The following OSBPL10 variants were observed in gnomAD, a reference collection of about 807,000 sequenced individuals.
The protein encoded by OSBPL10 is oxysterol binding protein like 10, also known as oxysterol-binding protein-related protein 10.
In OSBPL10, 49 loss-of-function variants were observed where a neutral mutation model predicts 81.7. That is an observed-to-expected ratio of 0.60 (90% CI 0.48 to 0.76). The LOEUF is 0.76. Among genes scored for constraint, OSBPL10 ranks in the 30% least tolerant of loss-of-function variants. The probability of loss-of-function intolerance (pLI) is 0.00; values close to 1 mark genes in which losing one functional copy is unlikely to be tolerated. For missense variants in OSBPL10, 923 were observed against 987.8 expected (o/e 0.93, Z 0.88); for synonymous variants, 419 against 383.6 (o/e 1.09, Z -1.08).
intron 3 of OSBPL10, among the ~76,000 whole-genome samples, chr3:31,873,847 C>CT (rs1701388569): frequency 6.6e-6 from 1 of 152,110 alleles, no homozygotes; most frequent in South Asian, 2.1e-4. Context: ...GCTTAAGCAG[C>CT]CTTGAATTTG....
chr3:31,958,796 A>T (rs965780419), intron 1 of OSBPL10, among the ~76,000 whole-genome samples: 4 of 152,204 alleles, frequency 2.6e-5, no homozygotes, highest in African/African-American at 9.7e-5. Flanking sequence ...TTTAGCAAAT[A>T]AGGTTTTATT....
chr3:31,774,236 A>T (rs1159748369), intron 4 of OSBPL10, among the ~76,000 whole-genome samples: 1 of 151,922 alleles, frequency 6.6e-6, no homozygotes, highest in Non-Finnish European at 1.5e-5. Flanking sequence ...AAAAGGGAGC[A>T]GAGAAATGAC....
At chr3:32,025,059 T>G (rs2125547819) in intron 2 of OSBPL10, among the ~76,000 whole-genome samples, 1 of 152,274 alleles carries the variant, frequency 6.6e-6, no homozygotes, top group South Asian at 2.1e-4. Flanking sequence ...GAGTAGACAG[T>G]CTCACCTTGT....
chr3:31,880,106 T>C (rs932283225), intron 1 of OSBPL10, among the ~76,000 whole-genome samples: 3 of 152,180 alleles, frequency 2.0e-5, no homozygotes, highest in African/African-American at 7.2e-5. Context: ...CCAGTACCCA[T>C]GGATACCACA....
chr3:31,687,101 C>G (rs960815816), intron 7 of OSBPL10, among the ~76,000 whole-genome samples: 7 of 152,168 alleles, frequency 4.6e-5, no homozygotes, highest in African/African-American at 1.7e-4. Flanking sequence ...GCATCCCTTC[C>G]CCAAGTGACT....
At chr3:31,715,749 G>A (rs907365381) in intron 6 of OSBPL10, among the ~76,000 whole-genome samples, 3 of 152,194 alleles carry the variant, frequency 2.0e-5, no homozygotes, top group South Asian at 4.1e-4. Context: ...GGTCCATGCC[G>A]AGACTAGAAG....
intron 4 of OSBPL10, among the ~76,000 whole-genome samples, chr3:31,783,146 T>TATATATATATATATATATAC (rs1485968747): frequency 3.5e-5 from 4 of 113,004 alleles, no homozygotes; most frequent in African/African-American, 1.5e-4. Context: ...TATATATATA[T>TATATATATATATATATATAC]ACACACACAC....
Position 31,747,959 on chromosome 3 carries a change from C to A in OSBPL10, c.891G>T (p.Gln297His), listed in dbSNP as rs760307898. ...SCLGECLNLLQQSVHQAGQPS... is the reference protein window; with the variant it reads ...SCLGECLNLLHQSVHQAGQPS... Reference sequence around the variant, plus strand: ...GCTGGCCCGCCTGGTGCACACTCTGCTGTAACAAGTTGAGGCACTCCCCAA... The same window carrying A: ...GCTGGCCCGCCTGGTGCACACTCTGATGTAACAAGTTGAGGCACTCCCCAA... The change falls in exon 5 of 12, where the codon CAG (glutamine) becomes CAT (histidine). Residue 297 changes from glutamine to histidine, a missense_variant. This residue lies in a region of OSBPL10 where 514 missense variants were observed against 508.0 expected (regional missense o/e 1.01). Coordinates refer to ENST00000396556, the MANE Select transcript of OSBPL10 (RefSeq NM_017784.5). 2 of 1,614,102 alleles carry A rather than the reference C, an allele frequency of 1.2e-6. No homozygotes were observed. The highest frequency in any genetic ancestry group is 1.7e-6 in the Non-Finnish European group (2 of 1,180,034).
At chr3:31,663,762 A>C in intron 11 of OSBPL10, 1 of 1,204,972 alleles carries the variant, frequency 8.3e-7, no homozygotes, top group African/African-American at 1.5e-5. Context: ...TTTTCTTTTT[A>C]AAAATAGAAC....
chr3:31,876,847 A>C (rs148942519), intron 2 of OSBPL10, among the ~76,000 whole-genome samples: 42 of 151,928 alleles, frequency 2.8e-4, no homozygotes, highest in African/African-American at 9.7e-4. Context: ...AAGGAACCAC[A>C]TGCTTATTTT....
intron 1 of OSBPL10, among the ~76,000 whole-genome samples, chr3:31,968,032 A>G (rs7651824): frequency 0.32 from 48,226 of 152,130 alleles, 8,874 homozygotes; most frequent in African/African-American, 0.49. Context: ...GAAGTTACAC[A>G]AATAATACAA....
intron 1 of OSBPL10, among the ~76,000 whole-genome samples, chr3:31,943,438 T>TA (rs1345860786): frequency 5.3e-5 from 8 of 152,172 alleles, no homozygotes; most frequent in East Asian, 3.9e-4. Flanking sequence ...TCAATAGTTT[T>TA]AAAAAAAACT....
intron 1 of OSBPL10, among the ~76,000 whole-genome samples, chr3:31,891,079 T>G (rs1695879343): frequency 1.3e-5 from 2 of 152,054 alleles, no homozygotes; most frequent in Non-Finnish European, 2.9e-5. Context: ...TGGCTCAGCT[T>G]TTTCCCTAAA....
chr3:32,029,455 CCTT>C (rs1287802090), intron 2 of OSBPL10, among the ~76,000 whole-genome samples: 1 of 152,182 alleles, frequency 6.6e-6, no homozygotes, highest in Non-Finnish European at 1.5e-5. Context: ...CCCAGTCTCT[CCTT>C]CTGCATTATC....
At chr3:31,872,747 G>A (rs957920536) in intron 3 of OSBPL10, among the ~76,000 whole-genome samples, 6 of 150,780 alleles carry the variant, frequency 4.0e-5, no homozygotes, top group African/African-American at 1.5e-4. Context: ...TCAGTCTCCT[G>A]AGAAGCTGAG....
intron 4 of OSBPL10, among the ~76,000 whole-genome samples, chr3:31,793,500 A>G (rs1326026786): frequency 2.0e-5 from 3 of 152,250 alleles, no homozygotes; most frequent in Non-Finnish European, 4.4e-5. Flanking sequence ...GATGGCCTTC[A>G]ATGCTGTGTA....
intron 7 of OSBPL10, among the ~76,000 whole-genome samples, chr3:31,691,704 C>T (rs944117368): frequency 6.6e-6 from 1 of 151,954 alleles, no homozygotes; most frequent in Admixed American, 6.6e-5. Context: ...GTATGCCAGC[C>T]TGAGTTGTCT....
At chr3:31,837,289 G>A (rs2125544485) in intron 3 of OSBPL10, among the ~76,000 whole-genome samples, 1 of 120,164 alleles carries the variant, frequency 8.3e-6, no homozygotes, top group South Asian at 2.9e-4. Flanking sequence ...GGGCAACTGT[G>A]TGCTATATTC....
At chr3:31,766,722 G>A (rs1698212465) in intron 4 of OSBPL10, among the ~76,000 whole-genome samples, 1 of 152,082 alleles carries the variant, frequency 6.6e-6, no homozygotes, top group African/African-American at 2.4e-5. Flanking sequence ...AAGATTTGTA[G>A]GTCAACTGGA....
Sources: gnomAD v4.1 joint callset for allele counts (sites outside exome capture counted in the v4.1 genomes callset) on GRCh38, gnomAD v4.1.1 for gene constraint, gnomAD v4.1.1 regional missense constraint, MANE v1.5 for transcripts, NCBI Gene and HGNC (gene_info 2026-07-23, HGNC 2026-07-21) for gene names.